The following MDFIC2 variants were observed in gnomAD, a reference collection of about 807,000 sequenced individuals.
MDFIC2 encodes the protein MyoD family inhibitor domain containing 2, also known as myoD family inhibitor domain-containing protein 2.
chr3:70,228,741 C>CTT (rs74503205), intron 2 of MDFIC2, among the ~76,000 whole-genome samples: 1 of 133,546 alleles, frequency 7.5e-6, no homozygotes, highest in African/African-American at 2.7e-5. Flanking sequence ...TTTCATGAAT[C>CTT]TTTTTTTTTT....
chr3:70,290,503 C>G (rs1029378856), intron 2 of MDFIC2, among the ~76,000 whole-genome samples: 1 of 152,218 alleles, frequency 6.6e-6, no homozygotes, highest in African/African-American at 2.4e-5. Flanking sequence ...GAGGTTATGG[C>G]TGTCTTTTTG....
intron 2 of MDFIC2, among the ~76,000 whole-genome samples, chr3:70,269,362 T>C (rs1449925760): frequency 1.3e-5 from 2 of 152,188 alleles, no homozygotes; most frequent in East Asian, 3.8e-4. Flanking sequence ...GTAACCTGTC[T>C]GGATACATAG....
chr3:70,224,289 C>A (rs1454215416), intron 2 of MDFIC2, among the ~76,000 whole-genome samples: 2 of 152,204 alleles, frequency 1.3e-5, no homozygotes, highest in Non-Finnish European at 2.9e-5. Context: ...GTCCTCCAAG[C>A]ACACTGCAAT....
At position 70,211,380 on chromosome 3, in the gene MDFIC2, TCCTTCCTTTCCCTTCCCTTCCTTTTG is replaced by T. The variant is rs1559535933; in HGVS notation, c.89-4616_89-4591del. On this transcript the variant is annotated intron_variant, in intron 2 of 3. Coordinates refer to ENST00000567252, the MANE Select transcript of MDFIC2 (RefSeq NM_001364677.1). ...CTTCCCTTTGCCCTTCCCTTCCCTT[TCCTTCCTTTCCCTTCCCTTCCTTTTG>T]CCCTTCCCTTCCCTTTGCCCTTCCC... is the stretch of plus-strand genomic sequence containing the variant. Among the ~76,000 whole-genome samples, 4 of 14,964 alleles carry T rather than the reference TCCTTCCTTTCCCTTCCCTTCCTTTTG, an allele frequency of 2.7e-4. 1 individual carries two copies. The highest frequency in any genetic ancestry group is 0.026 in the South Asian group (2 of 78). The allele number at this position is 14,964 out of a possible 152,430, so 9.8% of individuals were successfully genotyped here.
At chr3:70,282,705 T>C (rs2049220) in intron 2 of MDFIC2, among the ~76,000 whole-genome samples, 72,170 of 152,076 alleles carry the variant, frequency 0.47, 17,788 homozygotes, top group East Asian at 0.81. Context: ...CTCGACTACC[T>C]TGTCTATGCC....
chr3:70,241,007 T>C lies in MDFIC2; in HGVS notation c.89-34217A>G, dbSNP rs150774492. 1.9e-3 allele frequency among the ~76,000 whole-genome samples: 294 copies of C among 152,296 alleles called. 1 individual carries two copies. The highest frequency in any genetic ancestry group is 6.7e-3 in the African/African-American group (279 of 41,568). On this transcript the variant is annotated intron_variant, in intron 2 of 3. Transcript: ENST00000567252. ...TTTCACAGTCAAGGATATTCATTTT[T>C]TCGTGTCCACCCATTTTTACACCTT...
At chr3:70,282,121 A>G (rs903622741) in intron 2 of MDFIC2, among the ~76,000 whole-genome samples, 2 of 152,096 alleles carry the variant, frequency 1.3e-5, no homozygotes, top group Non-Finnish European at 2.9e-5. Flanking sequence ...TCAGCTGGGG[A>G]AATGGGTCAG....
At chr3:70,199,806 C>T (rs1701219452) in intron 3 of MDFIC2, among the ~76,000 whole-genome samples, 1 of 152,170 alleles carries the variant, frequency 6.6e-6, no homozygotes, top group South Asian at 2.1e-4. Flanking sequence ...ATTCAAAGTC[C>T]TATCCCAGGA....
chr3:70,216,644 C>T (rs1051606004), intron 2 of MDFIC2, among the ~76,000 whole-genome samples: 3 of 151,920 alleles, frequency 2.0e-5, no homozygotes, highest in African/African-American at 4.8e-5. Context: ...TAGATGTTAC[C>T]GTTGTATAGT....
intron 2 of MDFIC2, among the ~76,000 whole-genome samples, chr3:70,281,663 T>C (rs1402034192): frequency 1.3e-5 from 2 of 152,164 alleles, no homozygotes; most frequent in Non-Finnish European, 2.9e-5. Context: ...GCACGATGGT[T>C]CTTCTCCCTG....
intron 2 of MDFIC2, among the ~76,000 whole-genome samples, chr3:70,237,977 A>ATTTTTTTTTTTTTTTTTT (rs1251005797): frequency 2.3e-4 from 3 of 13,004 alleles, no homozygotes; most frequent in African/African-American, 1.5e-3. Flanking sequence ...ATTGAGTGGT[A>ATTTTTTTTTTTTTTTTTT]TCTTTTTTTT....
chr3:70,308,374 A>T (rs1171836401), intron 2 of MDFIC2, among the ~76,000 whole-genome samples: 2 of 152,106 alleles, frequency 1.3e-5, no homozygotes, highest in African/African-American at 4.8e-5. Flanking sequence ...ATATTTTTAA[A>T]TCATGCCTTG....
chr3:70,235,668 A>G (rs781385927), intron 2 of MDFIC2, among the ~76,000 whole-genome samples: 2 of 152,126 alleles, frequency 1.3e-5, no homozygotes, highest in African/African-American at 2.4e-5. Context: ...CCACTCTTGA[A>G]TATGTTAGTC....
At chr3:70,262,385 C>A (rs939691201) in intron 2 of MDFIC2, among the ~76,000 whole-genome samples, 1 of 152,098 alleles carries the variant, frequency 6.6e-6, no homozygotes, top group African/African-American at 2.4e-5. Context: ...ATATAACGGA[C>A]AATAACTTCA....
chr3:70,247,827 T>TA (rs1020692182), intron 2 of MDFIC2, among the ~76,000 whole-genome samples: 2 of 151,646 alleles, frequency 1.3e-5, no homozygotes, highest in African/African-American at 4.8e-5. Flanking sequence ...TTATGGTCAT[T>TA]AAAAAAAATA....
chr3:70,243,919 TA>T, intron 2 of MDFIC2, among the ~76,000 whole-genome samples: 2 of 152,234 alleles, frequency 1.3e-5, no homozygotes, highest in South Asian at 4.2e-4. Context: ...TTTCCTAGAG[TA>T]AGTAACAGAG....
At chr3:70,279,311 C>T (rs1702057599) in intron 2 of MDFIC2, among the ~76,000 whole-genome samples, 1 of 152,018 alleles carries the variant, frequency 6.6e-6, no homozygotes, top group Admixed American at 6.6e-5. Flanking sequence ...CATCCTTGAA[C>T]ACATATGGAG....
At chr3:70,233,080 T>C (rs1433726431) in intron 2 of MDFIC2, among the ~76,000 whole-genome samples, 4 of 152,112 alleles carry the variant, frequency 2.6e-5, no homozygotes, top group African/African-American at 4.8e-5. Context: ...TCTCAGCTAA[T>C]TGGGAGGCTG....
chr3:70,228,896 G>C (rs1701533520), intron 2 of MDFIC2, among the ~76,000 whole-genome samples: 1 of 152,222 alleles, frequency 6.6e-6, no homozygotes, highest in East Asian at 1.9e-4. Flanking sequence ...TAGTACGTGA[G>C]GAGAAACTCA....
Sources: gnomAD v4.1 joint callset for allele counts (sites outside exome capture counted in the v4.1 genomes callset) on GRCh38, gnomAD v4.1.1 for gene constraint, MANE v1.5 for transcripts, NCBI Gene and HGNC (gene_info 2026-07-23, HGNC 2026-07-21) for gene names.